Variants in DAB1 observed in about 807,000 individuals in gnomAD.
The protein encoded by DAB1 is DAB adaptor protein 1.
In DAB1, 15 loss-of-function variants were observed where a neutral mutation model predicts 64.6. That is an observed-to-expected ratio of 0.23 (90% confidence interval 0.16 to 0.36). DAB1 has a LOEUF of 0.36. Among genes scored for constraint, DAB1 ranks in the 10% least tolerant of loss-of-function variants. DAB1 has a pLI of 1.00. For synonymous variants in DAB1, 235 were observed against 251.9 expected (o/e 0.93, Z 0.64); for missense variants, 596 against 706.7 (o/e 0.84, Z 1.78).
chr1:57,117,713 T>A (rs1656265117), intron 4 of DAB1, among the ~76,000 whole-genome samples: 1 of 152,198 alleles, frequency 6.6e-6, no homozygotes, highest in Non-Finnish European at 1.5e-5. Context: ...GTATTGAATT[T>A]GTTATCTTCT....
chr1:57,881,979 C>T (rs901206224), intron 1 of DAB1, among the ~76,000 whole-genome samples: 1 of 152,068 alleles, frequency 6.6e-6, no homozygotes, highest in African/African-American at 2.4e-5. Context: ...TTGATTAATC[C>T]CTTCCCCACA....
intron 2 of DAB1, among the ~76,000 whole-genome samples, chr1:57,285,164 T>C (rs908452507): frequency 6.6e-6 from 1 of 152,230 alleles, no homozygotes; most frequent in African/African-American, 2.4e-5. Flanking sequence ...TGAACTGTGA[T>C]TTCAGAAAGA....
Position 58,025,557 on chromosome 1 carries a change from T to G in DAB1, n.387+124954A>C, listed in dbSNP as rs376847783. On this transcript the variant is annotated intron_variant and non_coding_transcript_variant, in intron 5 of 20. Transcript: ENST00000485760. The stretch of plus-strand genomic sequence containing the variant: ...AGCTATAAATATAATATTATATATA[T>G]ATAGAGAGAGAGCCTTTCATATATT... Among the ~76,000 whole-genome samples the G allele has an allele frequency of 8.9e-4, 131 of 147,650 alleles. No homozygotes were observed. The South Asian group carries it at 0.011, about 12-fold the overall frequency.
intron 6 of DAB1, among the ~76,000 whole-genome samples, chr1:57,676,860 T>G (rs1200228100): frequency 2.0e-5 from 3 of 152,294 alleles, no homozygotes; most frequent in African/African-American, 7.2e-5. Flanking sequence ...TTCTCCTTTC[T>G]CTAAAGCTTT....
At chr1:57,212,598 A>G (rs951744003) in intron 2 of DAB1, among the ~76,000 whole-genome samples, 2 of 150,982 alleles carry the variant, frequency 1.3e-5, no homozygotes, top group African/African-American at 4.9e-5. Flanking sequence ...CGATCTCCTA[A>G]CCTCGTGACC....
At chr1:58,246,369 T>G (rs969218122) in intron 4 of DAB1, among the ~76,000 whole-genome samples, 1 of 152,102 alleles carries the variant, frequency 6.6e-6, no homozygotes, top group African/African-American at 2.4e-5. Context: ...AGAGGGGCGT[T>G]TAAAGAGTAC....
At chr1:57,416,086 C>T (rs79405220) in intron 1 of DAB1, among the ~76,000 whole-genome samples, 11,770 of 152,202 alleles carry the variant, frequency 0.077, 524 homozygotes, top group Non-Finnish European at 0.1. Context: ...GTGAGTCTTC[C>T]ATTTCCTTTC....
chr1:57,463,549 C>A lies in DAB1; in HGVS notation n.626-172383G>T, dbSNP rs1570544012. ...CCTAGGATGAGTGTGCTTTTTACTG[C>A]CCTGCTGTTCCAAGCTTTTGGCAGC... On this transcript the variant is annotated intron_variant and non_coding_transcript_variant, in intron 7 of 20. Coordinates refer to the DAB1 transcript ENST00000485760. Among the ~76,000 whole-genome samples the A allele has an allele frequency of 3.9e-5, 6 of 152,224 alleles. 2 individuals carry two copies. Among genetic ancestry groups the A allele is most frequent in the Admixed American group, 3.9e-4 (6 of 15,280 alleles).
chr1:57,320,952 C>T (rs1675668211), intron 1 of DAB1, among the ~76,000 whole-genome samples: 1 of 152,208 alleles, frequency 6.6e-6, no homozygotes, highest in South Asian at 2.1e-4. Flanking sequence ...TTAACTTCTA[C>T]TTTTTGCTGC....
intron 6 of DAB1, among the ~76,000 whole-genome samples, chr1:57,654,491 G>C (rs1347278816): frequency 6.6e-6 from 1 of 152,146 alleles, no homozygotes; most frequent in Non-Finnish European, 1.5e-5. Context: ...GTGGTATATA[G>C]GGGTTTGTTA....
At chr1:58,231,591 A>T (rs1445891460) in intron 4 of DAB1, among the ~76,000 whole-genome samples, 1 of 152,228 alleles carries the variant, frequency 6.6e-6, no homozygotes, top group East Asian at 1.9e-4. Flanking sequence ...ACAAAGGTAC[A>T]GAGCTGTGGG....
chr1:57,176,633 T>G (rs1169961943), intron 2 of DAB1, among the ~76,000 whole-genome samples: 2 of 152,128 alleles, frequency 1.3e-5, no homozygotes, highest in African/African-American at 4.8e-5. Flanking sequence ...TGGTACATGA[T>G]ATGTAAAATC....
In DAB1 at chr1:57,924,626, A is replaced by AATTTT. The variant is rs1553143934; in HGVS notation, n.388-40465_388-40464insAAAAT. 2.3e-5 allele frequency among the ~76,000 whole-genome samples: 3 copies of AATTTT among 131,788 alleles called. 1 individual carries two copies. The allele number at this position is 131,788 out of a possible 152,430, so 86.5% of individuals were successfully genotyped here. ...AGGCACCCACCACCACACTTGGCTA[A>AATTTT]TTTTTTTTTTTTTTTTTTTTTTAGT... On this transcript the variant is annotated intron_variant and non_coding_transcript_variant, in intron 5 of 20. Transcript: ENST00000485760.
chr1:58,309,057 AAAG>A (rs1482728744), intron 4 of DAB1, among the ~76,000 whole-genome samples: 1 of 152,206 alleles, frequency 6.6e-6, no homozygotes, highest in African/African-American at 2.4e-5. Flanking sequence ...GCTGAAGAAG[AAAG>A]AAGAAGAAAA....
At chr1:57,235,707 T>TAAAAAAAAAAAAAAAA (rs146853725) in intron 2 of DAB1, among the ~76,000 whole-genome samples, 1 of 148,034 alleles carries the variant, frequency 6.8e-6, no homozygotes, top group Non-Finnish European at 1.5e-5. Context: ...TTCAAAACTT[T>TAAAAAAAAAAAAAAAA]AAAAAAGAAA....
At chr1:58,187,737 AC>A (rs58273129) in intron 4 of DAB1, among the ~76,000 whole-genome samples, 28,223 of 150,452 alleles carry the variant, frequency 0.19, 2,825 homozygotes, top group East Asian at 0.37. Context: ...GCACCACCAC[AC>A]CAGCTAATTT....
intron 7 of DAB1, among the ~76,000 whole-genome samples, chr1:57,541,928 G>T (rs377088125): frequency 3.9e-5 from 6 of 152,200 alleles, no homozygotes; most frequent in African/African-American, 1.4e-4. Flanking sequence ...GTTTTAAACC[G>T]CAGGGGGCTG....
At chr1:57,650,949 A>G (rs1372902286) in intron 6 of DAB1, among the ~76,000 whole-genome samples, 2 of 152,142 alleles carry the variant, frequency 1.3e-5, no homozygotes, top group African/African-American at 4.8e-5. Flanking sequence ...CATTCCATCA[A>G]TGTTTGCTGC....
In DAB1 at chr1:57,769,041, G is replaced by A. The variant is rs973680910; in HGVS notation, n.551+114958C>T. On this transcript the variant is annotated intron_variant and non_coding_transcript_variant, in intron 6 of 20. Coordinates refer to the DAB1 transcript ENST00000485760. ...TTGCCCTTCACCCACCTACAGCCCTGTGTCTGTGGGGCCATTTCCAGCAGG... is the reference window on the plus strand; with the variant it reads ...TTGCCCTTCACCCACCTACAGCCCTATGTCTGTGGGGCCATTTCCAGCAGG... Among the ~76,000 whole-genome samples the A allele has an allele frequency of 3.3e-5, 5 of 152,088 alleles. 1 individual carries two copies. The highest frequency in any genetic ancestry group is 7.4e-5 in the Non-Finnish European group (5 of 68,000).
Sources: allele counts gnomAD v4.1 joint callset (sites outside exome capture counted in the v4.1 genomes callset), GRCh38; gene constraint gnomAD v4.1.1; transcripts MANE v1.5; gene names NCBI Gene and HGNC (gene_info 2026-07-23, HGNC 2026-07-21).